The following SLC25A27 variants were observed in gnomAD, a reference collection of about 807,000 sequenced individuals.
SLC25A27 encodes the protein solute carrier family 25 member 27, also known as mitochondrial uncoupling protein 4.
Under a neutral mutation model 49.1 loss-of-function variants are expected in SLC25A27, and 35 were observed. The observed-to-expected ratio is 0.71, with a 90% CI of 0.54 to 0.95. SLC25A27 has a LOEUF of 0.95. SLC25A27 is among the 40% of genes least tolerant of loss of function. The pLI, the probability that SLC25A27 is intolerant of heterozygous loss-of-function variation, is 0.00. For synonymous variants in SLC25A27, 144 were observed against 136.9 expected (o/e 1.05, Z -0.36); for missense variants, 339 against 397.1 (o/e 0.85, Z 1.24).
intron 8 of SLC25A27, among the ~76,000 whole-genome samples, chr6:46,673,746 C>T (rs971702826): frequency 6.6e-6 from 1 of 152,048 alleles, no homozygotes; most frequent in South Asian, 2.1e-4. Context: ...CCTTGTGGGC[C>T]AAGCCTAGTA....
chr6:46,653,328 G>C (rs915227080), intron 1 of SLC25A27, 30 bp downstream of exon 1: 5 of 1,591,508 alleles, frequency 3.1e-6, no homozygotes, highest in Admixed American at 1.8e-5. Flanking sequence ...TGGGCCTCCC[G>C]GGCCAGTGGC....
At chr6:46,654,018 A>G (rs1449445492) in intron 1 of SLC25A27, 2 of 745,154 alleles carry the variant, frequency 2.7e-6, no homozygotes, top group African/African-American at 3.8e-5. Flanking sequence ...ATTAGGTGTC[A>G]TAAAAGCATA....
intron 1 of SLC25A27, chr6:46,653,504 C>G: frequency 2.0e-6 from 2 of 985,480 alleles, no homozygotes; most frequent in Non-Finnish European, 2.4e-6. Context: ...CTAATCTCTT[C>G]TAATGCTTCC....
chr6:46,653,066 A>AG lies in SLC25A27; in HGVS notation c.-124dup. On this transcript the variant is annotated 5_prime_UTR_variant, in exon 1 of 9. Transcript: ENST00000371347. Reference sequence around the variant, plus strand: ...CGGGTCCACCCGGCCGAGCCGAACGAGGGAAATGGTCCTCACCCGGCCACT... The same window carrying AG: ...CGGGTCCACCCGGCCGAGCCGAACGAGGGGAAATGGTCCTCACCCGGCCACT... 1 of 860,548 alleles carries AG rather than the reference A, an allele frequency of 1.2e-6. No homozygotes were observed. The highest frequency in any genetic ancestry group is 1.6e-5 in the South Asian group (1 of 62,688). 53.3% of individuals were successfully genotyped at this position (860,548 alleles called of 1,614,324 possible). A position where few individuals can be genotyped will look rare whatever the true frequency, so the allele number is the denominator to read the frequency against.
chr6:46,656,668 C>T (rs951049621), intron 2 of SLC25A27, among the ~76,000 whole-genome samples: 1 of 152,194 alleles, frequency 6.6e-6, no homozygotes, highest in African/African-American at 2.4e-5. Context: ...ATCCACCTGA[C>T]TTGGCCTCCC....
chr6:46,671,101 T>G, intron 7 of SLC25A27, 25 bp from the exon 8 acceptor site: 1 of 1,433,918 alleles, frequency 7.0e-7, no homozygotes, highest in Non-Finnish European at 9.6e-7. Flanking sequence ...AGAAAAAAAT[T>G]AAAAGGATCT....
At position 46,676,754 on chromosome 6, in the gene SLC25A27, T is replaced by G; in HGVS notation, c.*300T>G. 1 of 1,401,704 alleles carries G rather than the reference T, an allele frequency of 7.1e-7. No individual in the cohort carries two copies. Among genetic ancestry groups the G allele is most frequent in the Non-Finnish European group, 9.9e-7 (1 of 1,011,712 alleles). 86.8% of individuals were successfully genotyped at this position (1,401,704 alleles called of 1,614,324 possible). A position where few individuals can be genotyped will look rare whatever the true frequency, so the allele number is the denominator to read the frequency against. The stretch of plus-strand genomic sequence containing the variant: ...ACCTTGGGCAAGAAGGTTTGGCCTT[T>G]GAGTTGCTATTCTATGCTGAAGAGC... On this transcript the variant is annotated 3_prime_UTR_variant, in exon 9 of 9. Transcript: ENST00000371347.
In SLC25A27 at chr6:46,678,030, T is replaced by TTATATATATATATATATA. The variant is rs67622673; in HGVS notation, c.*1594_*1611dup. On this transcript the variant is annotated 3_prime_UTR_variant, in exon 9 of 9. Transcript: ENST00000371347. ...CAATATGTAATTGCGTTGTAAAATA[T>TTATATATATATATATATA]TATATATATATATATATATATATAT... 1,005 of 100,138 alleles carry TTATATATATATATATATA rather than the reference T, an allele frequency of 0.01. 61 individuals carry two copies. Among genetic ancestry groups the TTATATATATATATATATA allele is most frequent in the Non-Finnish European group, 0.013 (611 of 48,402 alleles). 6.2% of individuals were successfully genotyped at this position (100,138 alleles called of 1,614,324 possible). A position where few individuals can be genotyped will look rare whatever the true frequency, so the allele number is the denominator to read the frequency against.
chr6:46,653,659 G>A (rs1404437191), intron 1 of SLC25A27: 2 of 985,334 alleles, frequency 2.0e-6, no homozygotes, highest in Non-Finnish European at 2.4e-6. Context: ...GATCATCTCT[G>A]TGGTTTATAG....
chr6:46,666,810 T>C (rs531265165), intron 5 of SLC25A27, among the ~76,000 whole-genome samples: 16 of 152,102 alleles, frequency 1.1e-4, no homozygotes, highest in East Asian at 3.9e-4. Context: ...TTCAAAAATA[T>C]ATCACCACTC....
At chr6:46,673,528 C>G (rs961671426) in intron 8 of SLC25A27, among the ~76,000 whole-genome samples, 2 of 152,162 alleles carry the variant, frequency 1.3e-5, no homozygotes, top group African/African-American at 4.8e-5. Flanking sequence ...CTTCACAGAG[C>G]TGATATTTGA....
chr6:46,657,964 C>T (rs1214995262), intron 2 of SLC25A27, among the ~76,000 whole-genome samples: 2 of 152,204 alleles, frequency 1.3e-5, no homozygotes, highest in African/African-American at 4.8e-5. Context: ...CACAGTGGCA[C>T]TCACAAGAGG....
At chr6:46,675,176 G>T (rs144990896) in intron 8 of SLC25A27, among the ~76,000 whole-genome samples, 1 of 152,176 alleles carries the variant, frequency 6.6e-6, no homozygotes, top group East Asian at 1.9e-4. Context: ...CTGGGTAGAG[G>T]TACTATGACC....
intron 7 of SLC25A27, 164 bp downstream of exon 7, chr6:46,670,391 T>G (rs1404290893): frequency 5.2e-6 from 3 of 576,344 alleles, no homozygotes; most frequent in African/African-American, 1.9e-5. Flanking sequence ...GATGAAAAAG[T>G]GACATGCATT....
rs1336945980 is a variant in SLC25A27, at chr6:46,659,024, G to T, written c.361G>T (p.Glu121Ter). Residue 121 changes from glutamate (E) to a stop codon, truncating the protein, a stop_gained, in exon 3 of 9, where the codon GAA becomes TAA. Transcript: ENST00000371347. LOFTEE classifies it high-confidence loss of function. The stretch of plus-strand genomic sequence containing the variant: ...CCGAGAGGTTGTGTTTGGCAAAAGT[G>T]AAGATGAGCATTATCCCCTTTGGTA... The part of the protein sequence containing the change: ...HLREVVFGKS[E>*]DEHYPLWKSV... The T allele has an allele frequency of 6.2e-7, 1 of 1,612,848 alleles. No homozygotes were observed. The highest frequency in any genetic ancestry group is 8.5e-7 in the Non-Finnish European group (1 of 1,179,114).
rs946951680 is a variant in SLC25A27, at chr6:46,655,972, T to C, written c.236T>C (p.Ile79Thr). The C allele has an allele frequency of 1.2e-6, 2 of 1,613,220 alleles. No individual in the cohort carries two copies. The highest frequency in any genetic ancestry group is 1.7e-6 in the Non-Finnish European group (2 of 1,179,644). ...ATGGTGCGCACAGCTCTAGGGATCA[T>C]TGAAGAGGAAGGCTTTCTAAAGCTT... Reference protein sequence around the residue: ...RGMVRTALGIIEEEGFLKLWQ... With the variant: ...RGMVRTALGITEEEGFLKLWQ... The change falls in exon 2 of 9, where the codon ATT (isoleucine) becomes ACT (threonine). Residue 79 changes from isoleucine (I) to threonine (T), a missense_variant. Ile to Thr is a moderately conservative substitution (Grantham distance 89). Transcript: ENST00000371347.
chr6:46,666,901 C>T (rs1212444555), intron 5 of SLC25A27, among the ~76,000 whole-genome samples: 3 of 152,094 alleles, frequency 2.0e-5, no homozygotes, highest in Non-Finnish European at 4.4e-5. Context: ...TCCAAGCAGT[C>T]ACCAAATCCA....
At chr6:46,658,678 T>G (rs1763067030) in intron 2 of SLC25A27, 1 of 426,372 alleles carries the variant, frequency 2.3e-6, no homozygotes, top group Admixed American at 4.0e-5. Flanking sequence ...AAACATGTTT[T>G]TGAGTTGAGT....
At chr6:46,655,047 G>T (rs1762928734) in intron 1 of SLC25A27, among the ~76,000 whole-genome samples, 1 of 152,108 alleles carries the variant, frequency 6.6e-6, no homozygotes, top group South Asian at 2.1e-4. Flanking sequence ...AAGGTAAAAG[G>T]TCTGTATCTA....
Sources: allele counts gnomAD v4.1 joint callset (sites outside exome capture counted in the v4.1 genomes callset), GRCh38; gene constraint gnomAD v4.1.1; transcripts MANE v1.5; gene names NCBI Gene and HGNC (gene_info 2026-07-23, HGNC 2026-07-21).